The following AUTS2 variants were observed in gnomAD, a reference collection of about 807,000 sequenced individuals.
AUTS2 encodes autism susceptibility gene 2 protein.
In AUTS2, 17 loss-of-function variants were observed where a neutral mutation model predicts 112.4. The ratio of observed to expected loss-of-function variants is 0.15; its 90% CI spans 0.10 to 0.23. The LOEUF (loss-of-function observed/expected upper bound fraction) is 0.23. Among genes scored for constraint, AUTS2 ranks in the 10% least tolerant of loss-of-function variants. The pLI is 1.00. For synonymous variants in AUTS2, 751 were observed against 702.7 expected (o/e 1.07, Z -1.09); for missense variants, 1,510 against 1,701.6 (o/e 0.89, Z 1.98).
At chr7:70,497,198 A>G (rs1411356603) in intron 5 of AUTS2, among the ~76,000 whole-genome samples, 1 of 144,334 alleles carries the variant, frequency 6.9e-6, no homozygotes, top group African/African-American at 2.6e-5. Context: ...CACCTCACAC[A>G]CATGCACATG....
chr7:69,971,537 A>C (rs1390907345), intron 2 of AUTS2, among the ~76,000 whole-genome samples: 1 of 152,230 alleles, frequency 6.6e-6, no homozygotes, highest in Non-Finnish European at 1.5e-5. Context: ...ACATCAGTAC[A>C]GTGAAAATAC....
At chr7:70,510,370 T>A (rs1298039017) in intron 5 of AUTS2, among the ~76,000 whole-genome samples, 1 of 152,228 alleles carries the variant, frequency 6.6e-6, no homozygotes, top group African/African-American at 2.4e-5. Flanking sequence ...AAAACTAGTT[T>A]CCCTTTCCTA....
At chr7:70,605,917 G>C (rs1322639264) in intron 5 of AUTS2, among the ~76,000 whole-genome samples, 1 of 152,210 alleles carries the variant, frequency 6.6e-6, no homozygotes, top group African/African-American at 2.4e-5. Context: ...AAGGTCTGAT[G>C]AGTGAGGCAG....
intron 5 of AUTS2, among the ~76,000 whole-genome samples, chr7:70,670,301 TC>T (rs1290683416): frequency 6.6e-6 from 1 of 152,232 alleles, no homozygotes; most frequent in East Asian, 1.9e-4. Context: ...TGTTATTACT[TC>T]CTTTCTTTCT....
chr7:70,069,733 A>T (rs1470494308), intron 2 of AUTS2, among the ~76,000 whole-genome samples: 11 of 148,826 alleles, frequency 7.4e-5, no homozygotes, highest in African/African-American at 2.7e-4. Flanking sequence ...CTGTCCAGAG[A>T]CACCTTATTA....
chr7:70,475,834 G>T (rs1797561572), intron 5 of AUTS2, among the ~76,000 whole-genome samples: 1 of 152,128 alleles, frequency 6.6e-6, no homozygotes, highest in Admixed American at 6.6e-5. Flanking sequence ...CCAGGAATTT[G>T]AGACCAGCCT....
intron 5 of AUTS2, among the ~76,000 whole-genome samples, chr7:70,515,305 G>A (rs1202084262): frequency 2.0e-5 from 3 of 152,144 alleles, no homozygotes; most frequent in Non-Finnish European, 4.4e-5. Context: ...CAATTAAGAG[G>A]CTTTTGCAAG....
intron 2 of AUTS2, among the ~76,000 whole-genome samples, chr7:70,052,813 G>A (rs181410301): frequency 7.2e-5 from 11 of 152,242 alleles, no homozygotes; most frequent in Admixed American, 1.3e-4. Context: ...CTTTATTGTG[G>A]ATCTGATGGT....
At chr7:69,865,883 A>G (rs1331017857) in intron 1 of AUTS2, among the ~76,000 whole-genome samples, 3 of 152,206 alleles carry the variant, frequency 2.0e-5, no homozygotes, top group African/African-American at 7.2e-5. Flanking sequence ...TATCTAGGAT[A>G]AAATGTACCC....
chr7:70,351,081 C>T (rs1285569713), intron 4 of AUTS2, among the ~76,000 whole-genome samples: 4 of 146,574 alleles, frequency 2.7e-5, no homozygotes, highest in East Asian at 2.0e-4. Context: ...GATGGAGTCT[C>T]GCTCTGTCAC....
In AUTS2 at chr7:70,012,932, G is replaced by A. The variant is rs73158398; in HGVS notation, c.523-105200G>A. Among the ~76,000 whole-genome samples the A allele has an allele frequency of 7.5e-3, 1,140 of 152,278 alleles. 15 individuals are homozygous for A. The highest frequency in any genetic ancestry group is 0.063 in the South Asian group (302 of 4,822). ...GAAATAAGTGCTCATGAATAGGACC[G>A]CATATGTGTGCATGTATGTGTGTTT... On this transcript the variant is annotated intron_variant, in intron 2 of 18. Transcript: ENST00000342771.
chr7:70,338,963 C>T (rs1390927769), intron 4 of AUTS2, among the ~76,000 whole-genome samples: 8 of 151,578 alleles, frequency 5.3e-5, no homozygotes, highest in African/African-American at 1.5e-4. Context: ...CCCGGGTTCA[C>T]GCCATTCTCC....
chr7:69,706,404 G>C (rs1798062032), intron 1 of AUTS2, among the ~76,000 whole-genome samples: 1 of 152,170 alleles, frequency 6.6e-6, no homozygotes, highest in South Asian at 2.1e-4. Flanking sequence ...CCGGCCTGGA[G>C]AAGTAAGGAC....
intron 4 of AUTS2, chr7:70,294,341 A>C (rs1788838180): frequency 1.3e-5 from 2 of 152,230 alleles, no homozygotes; most frequent in Non-Finnish European, 2.9e-5. Context: ...CTGTACACAT[A>C]AAACAACATA....
chr7:70,768,703 G>C (rs965126930), intron 10 of AUTS2, among the ~76,000 whole-genome samples: 2 of 152,000 alleles, frequency 1.3e-5, no homozygotes, highest in Non-Finnish European at 2.9e-5. Flanking sequence ...GCCATTTTAA[G>C]AGTATGTTCT....
intron 2 of AUTS2, among the ~76,000 whole-genome samples, chr7:69,916,304 A>T (rs1415882181): frequency 2.6e-5 from 4 of 152,240 alleles, no homozygotes; most frequent in Non-Finnish European, 5.9e-5. Flanking sequence ...TTCATTCATT[A>T]AATATTTATT....
At chr7:70,130,154 G>A (rs555650674) in intron 3 of AUTS2, among the ~76,000 whole-genome samples, 5 of 152,184 alleles carry the variant, frequency 3.3e-5, no homozygotes, top group East Asian at 1.9e-4. Context: ...CACAATTAGC[G>A]ATTTGGAAGA....
intron 5 of AUTS2, among the ~76,000 whole-genome samples, chr7:70,567,013 T>C (rs535365890): frequency 3.3e-5 from 5 of 152,332 alleles, no homozygotes; most frequent in South Asian, 4.1e-4. Flanking sequence ...TGGAAAAGCA[T>C]TGGATCCCTT....
intron 5 of AUTS2, among the ~76,000 whole-genome samples, chr7:70,668,438 G>A (rs1807460683): frequency 6.6e-6 from 1 of 152,154 alleles, no homozygotes; most frequent in Non-Finnish European, 1.5e-5. Context: ...AGCTCCCTGT[G>A]GTAAACCCAT....
Sources: allele counts gnomAD v4.1 joint callset (sites outside exome capture counted in the v4.1 genomes callset), GRCh38; gene constraint gnomAD v4.1.1; transcripts MANE v1.5; gene names NCBI Gene and HGNC (gene_info 2026-07-23, HGNC 2026-07-21).